Variants in DST observed in about 807,000 individuals in gnomAD.
DST encodes dystonin.
A neutral mutation model predicts 875.2 loss-of-function variants in DST; 253 were observed. The observed-to-expected ratio is 0.29, with a 90% CI of 0.26 to 0.32. The LOEUF is 0.32. Among genes scored for constraint, DST ranks in the 10% least tolerant of loss-of-function variants. The pLI, the probability that DST is intolerant of heterozygous loss-of-function variation, is 1.00. For synonymous variants in DST, 3,124 were observed against 3,197.1 expected (o/e 0.98, Z 0.77); for missense variants, 8,287 against 9,111.6 (o/e 0.91, Z 3.68).
chr6:56,482,618 A>G, intron 89 of DST, 65 bp downstream of exon 89: 1 of 1,518,950 alleles, frequency 6.6e-7, no homozygotes, highest in Non-Finnish European at 9.0e-7. Context: ...TTTTACTAGA[A>G]TAGTTCTTGT....
In DST at chr6:56,528,872, T is replaced by C. The variant is rs375872199; in HGVS notation, c.17649A>G (p.Leu5883=). Residue 5883 remains leucine, a synonymous_variant, in exon 67 of 104, where the codon CTA becomes CTG. Transcript: ENST00000680361. The stretch of plus-strand genomic sequence containing the variant: ...TTTGTTTAAGTAGTTCTAAACCATT[T>C]AGTAAAGCCTGATCTACATTTTGTT... ...LRKQNVDQAL[L]NGLELLKQTT... 2 of 1,586,192 alleles carry C rather than the reference T, an allele frequency of 1.3e-6. No individual in the cohort carries two copies. The highest frequency in any genetic ancestry group is 1.7e-6 in the Non-Finnish European group (2 of 1,163,960).
intron 100 of DST, chr6:56,464,077 T>C (rs1412869482): frequency 2.4e-6 from 1 of 422,480 alleles, no homozygotes; most frequent in Non-Finnish European, 4.5e-6. Flanking sequence ...TGCTAAAATA[T>C]CATTAATCCA....
At chr6:56,514,606 C>CACACACACACAA (rs1554275995) in intron 72 of DST, among the ~76,000 whole-genome samples, 77 of 146,742 alleles carry the variant, frequency 5.2e-4, no homozygotes, top group Middle Eastern at 3.4e-3. Flanking sequence ...CACACACACA[C>CACACACACACAA]ACACACCCCC....
chr6:56,576,835 A>G (rs934405910), intron 50 of DST, among the ~76,000 whole-genome samples: 3 of 152,138 alleles, frequency 2.0e-5, no homozygotes, highest in Non-Finnish European at 4.4e-5. Context: ...GAACCCGACC[A>G]TACTGGCAGC....
Position 56,620,445 on chromosome 6 carries a change from G to A in DST, c.4929+4085C>T, listed in dbSNP as rs147377638. The A allele has an allele frequency of 5.9e-5, 96 of 1,614,112 alleles. No homozygotes were observed. Among genetic ancestry groups the A allele is most frequent in the South Asian group, 4.1e-4 (37 of 91,080 alleles). On this transcript the variant is annotated intron_variant, in intron 36 of 103. Coordinates refer to ENST00000680361, the MANE Select transcript of DST (RefSeq NM_001374736.1). Reference sequence around the variant, plus strand: ...CTCACAATGGTTTCAAGTTCCCTGCGGTACTGCTTGGCTTCACTTTCAGCC... The same window carrying A: ...CTCACAATGGTTTCAAGTTCCCTGCAGTACTGCTTGGCTTCACTTTCAGCC...
In DST at chr6:56,619,513, T is replaced by G. The variant is rs1307355743; in HGVS notation, c.4929+5017A>C. ...CTTTCTCATCTCGAAAAGAATGAAT[T>G]TGTGAATTTAAATGCTGAATATTCT... On this transcript the variant is annotated intron_variant, in intron 36 of 103. Transcript: ENST00000680361. The G allele has an allele frequency of 4.3e-6, 7 of 1,613,020 alleles. No individual in the cohort carries two copies. In the Admixed American group the frequency reaches 6.7e-5, roughly 15 times the overall value.
In DST at chr6:56,553,280, T is replaced by G; in HGVS notation, c.15512A>C (p.Tyr5171Ser). ...LKESLEKALK[Y>S]KEQVETLWPW... ...CCAGAGAGTCTCTACTTGCTCTTTA[T>G]ACTTAAGGGCTTTTTCCAATGACTC... The change falls in exon 61 of 104, where the codon TAT becomes TCT. Residue 5171 changes from tyrosine (Y) to serine (S), a missense_variant. Tyr to Ser is a moderately radical substitution (Grantham distance 144, BLOSUM62 -2). Transcript: ENST00000680361. The G allele has an allele frequency of 1.2e-6, 2 of 1,613,752 alleles. No individual in the cohort carries two copies. Among genetic ancestry groups the G allele is most frequent in the Non-Finnish European group, 1.7e-6 (2 of 1,179,894 alleles).
intron 50 of DST, among the ~76,000 whole-genome samples, chr6:56,576,998 C>T (rs1270625356): frequency 6.6e-6 from 1 of 152,102 alleles, no homozygotes; most frequent in Non-Finnish European, 1.5e-5. Context: ...GAAGTAAATT[C>T]TTCATTTTAG....
intron 49 of DST, among the ~76,000 whole-genome samples, chr6:56,587,487 G>T (rs1235460693): frequency 6.6e-6 from 1 of 152,180 alleles, no homozygotes; most frequent in African/African-American, 2.4e-5. Flanking sequence ...AAAACACTCT[G>T]CAGGATATTA....
chr6:56,471,825 C>T (rs890722298), intron 94 of DST: 2 of 557,690 alleles, frequency 3.6e-6, no homozygotes, highest in African/African-American at 3.8e-5. Context: ...ATTGTTAAAA[C>T]ATAATCATTT....
chr6:56,560,297 T>C lies in DST; in HGVS notation c.14437A>G (p.Ile4813Val). ...TCATCTAAGTAACGCAACATACCTA[T>C]TTCTGTCAACATCTGTTTCCATCTG... The part of the protein sequence containing the change: ...APRWKQMLTE[I>V]DSKWQELNQL... Residue 4813 changes from isoleucine to valine, a missense_variant, in exon 58 of 104, where the codon ATA becomes GTA. Around this residue, in one of 10 missense-constraint regions of DST, gnomAD observed 1,513 missense variants for 1,677.8 expected, o/e 0.90. Coordinates refer to ENST00000680361, the MANE Select transcript of DST (RefSeq NM_001374736.1). The C allele has an allele frequency of 6.2e-7, 1 of 1,606,204 alleles. No homozygotes were observed. Among genetic ancestry groups the C allele is most frequent in the East Asian group, 2.2e-5 (1 of 44,662 alleles).
chr6:56,473,220 A>G (rs979728139), intron 93 of DST, among the ~76,000 whole-genome samples: 1 of 152,218 alleles, frequency 6.6e-6, no homozygotes, highest in African/African-American at 2.4e-5. Context: ...TTAATAGTTT[A>G]CCTTGTCTCC....
At chr6:56,658,696 T>C (rs536636200) in intron 10 of DST, among the ~76,000 whole-genome samples, 132 of 152,278 alleles carry the variant, frequency 8.7e-4, no homozygotes, top group Non-Finnish European at 1.4e-3. Flanking sequence ...AACTAGCAAG[T>C]TCATTCATTT....
At chr6:56,601,937 A>G in intron 43 of DST, 1 of 448,516 alleles carries the variant, frequency 2.2e-6, no homozygotes, top group South Asian at 2.0e-5. Flanking sequence ...GTCACATTGC[A>G]CTTAAAATAT....
At chr6:56,843,555 G>T (rs927546858) in intron 4 of DST, 495 of 984,102 alleles carry the variant, frequency 5.0e-4, no homozygotes, top group Non-Finnish European at 5.5e-4. Flanking sequence ...GGCCCTGCAC[G>T]AGGCGCGTGC....
Position 56,529,524 on chromosome 6 carries a change from A to C in DST, c.17519T>G (p.Val5840Gly), listed in dbSNP as rs1204223196. ...EVELMNWLNE[V>G]HDKLSKLSVQ... ...TGAGAGCTTGCTCAGTTTGTCATGC[A>C]CTTCATTCAGCCAGTTCATCAGTTC... The change falls in exon 66 of 104, where the codon GTG becomes GGG. Residue 5840 changes from valine (V) to glycine (G), a missense_variant. By Grantham distance (109) the Val-to-Gly change is moderately radical (BLOSUM62 -3). Around this residue, in one of 10 missense-constraint regions of DST, gnomAD observed 777 missense variants for 764.8 expected, o/e 1.02. Coordinates refer to ENST00000680361, the MANE Select transcript of DST (RefSeq NM_001374736.1). 4 of 1,613,124 alleles carry C rather than the reference A, an allele frequency of 2.5e-6. No homozygotes were observed. The highest frequency in any genetic ancestry group is 3.4e-6 in the Non-Finnish European group (4 of 1,179,464).
rs146468014 is a variant in DST at position 56,565,947 on chromosome 6, C to T, written c.14005+2522G>A. Among the ~76,000 whole-genome samples the T allele has an allele frequency of 1.5e-3, 221 of 152,304 alleles. 1 individual carries two copies. The highest frequency in any genetic ancestry group is 5.8e-3 in the East Asian group (30 of 5,172). ...TGGCTACAGCAGCTTTACTGAGCTG[C>T]GGTGGGCTCTGCCCAGTTCGAACTT... is the stretch of plus-strand genomic sequence containing the variant. On this transcript the variant is annotated intron_variant, in intron 55 of 103. Transcript: ENST00000680361.
intron 5 of DST, among the ~76,000 whole-genome samples, chr6:56,725,245 A>T (rs904385696): frequency 2.0e-5 from 3 of 152,190 alleles, no homozygotes; most frequent in African/African-American, 7.2e-5. Flanking sequence ...AAAAAGTAGG[A>T]ATATCTTAGA....
In DST at chr6:56,466,172, T is replaced by C. The variant is rs752263952; in HGVS notation, c.22593A>G (p.Arg7531=). The C allele has an allele frequency of 1.2e-5, 20 of 1,609,560 alleles. No homozygotes were observed. The Admixed American group carries it at 3.2e-4, about 26-fold the overall frequency. The part of the protein sequence containing the change: ...GNQFGDSQQL[R]LVRILRSTVM... Reference sequence around the variant, plus strand: ...CAGTACTCCGCAGGATCCGGACCAGTCGCAGTTGCTGGGAGTCTCCAAACT... The same window carrying C: ...CAGTACTCCGCAGGATCCGGACCAGCCGCAGTTGCTGGGAGTCTCCAAACT... Residue 7531 remains arginine (R), a synonymous_variant, in exon 99 of 104, where the codon CGA becomes CGG. Coordinates refer to ENST00000680361, the MANE Select transcript of DST (RefSeq NM_001374736.1).
Sources: allele counts gnomAD v4.1 joint callset (sites outside exome capture counted in the v4.1 genomes callset), GRCh38; gene constraint gnomAD v4.1.1; regional missense constraint gnomAD v4.1.1; transcripts MANE v1.5; gene names NCBI Gene and HGNC (gene_info 2026-07-23, HGNC 2026-07-21).